Variants in ZBTB34 observed in about 807,000 individuals in gnomAD.
ZBTB34 encodes zinc finger and BTB domain containing 34, also known as zinc finger and BTB domain-containing protein 34.
ZBTB34 carries 1 observed loss-of-function variant against 33.4 expected under a neutral mutation model. The observed-to-expected ratio is 0.03, with a 90% confidence interval of 0.01 to 0.14. The LOEUF (loss-of-function observed/expected upper bound fraction) is 0.14. Among genes scored for constraint, ZBTB34 ranks in the 10% least tolerant of loss-of-function variants. ZBTB34 has a pLI of 1.00. For synonymous variants in ZBTB34, 283 were observed against 253.5 expected, an observed-to-expected ratio of 1.12 and a Z score of -1.11; for missense variants, 406 against 657.2, an observed-to-expected ratio of 0.62 and a Z score of 4.18.
chr9:126,877,181 G>T (rs536189713), intron 1 of ZBTB34, among the ~76,000 whole-genome samples: 13 of 152,092 alleles, frequency 8.5e-5, no homozygotes, highest in Admixed American at 7.2e-4. Context: ...TGTTGTTGTT[G>T]TTTTTCGAAA....
At chr9:126,876,152 T>TTCCC (rs2033353812) in intron 1 of ZBTB34, among the ~76,000 whole-genome samples, 1 of 58,454 alleles carries the variant, frequency 1.7e-5, no homozygotes, top group East Asian at 5.6e-4. Flanking sequence ...TTTTTTTTTT[T>TTCCC]CCCTTCCGTC....
intron 1 of ZBTB34, among the ~76,000 whole-genome samples, chr9:126,867,168 T>C (rs1192203876): frequency 6.7e-6 from 1 of 149,924 alleles, no homozygotes; most frequent in Non-Finnish European, 1.5e-5. Context: ...AAATTCTTAG[T>C]GGTTGTTCTC....
At chr9:126,884,126 G>C (rs1486511825) in exon 2 of ZBTB34, 3 of 166,986 alleles carry the variant, frequency 1.8e-5, no homozygotes, top group Non-Finnish European at 4.4e-5. Context: ...AATATATCCT[G>C]AATTCATATA....
chr9:126,872,113 A>AT (rs898869095), intron 1 of ZBTB34, among the ~76,000 whole-genome samples: 22 of 151,122 alleles, frequency 1.5e-4, no homozygotes, highest in African/African-American at 4.9e-4. Context: ...TGCCCGCCTA[A>AT]TTTTTTTTTG....
chr9:126,879,339 G>A lies in ZBTB34; in HGVS notation c.-10-51G>A. 6.8e-7 allele frequency: 1 copy of A among 1,465,620 alleles called. No homozygotes were observed. The highest frequency in any genetic ancestry group is 9.3e-7 in the Non-Finnish European group (1 of 1,075,594). The allele number at this position is 1,465,620 out of a possible 1,614,324, so 90.8% of individuals were successfully genotyped here. On this transcript the variant is annotated intron_variant, in intron 1 of 1. Transcript: ENST00000319119. This position sits in a 1 kb window ranked among gnomAD's most constrained non-coding sequence, Gnocchi z 6.4. ...TTGTAAGCTTGTGTTTATGCCACTTGTACTTAGTGAGGAGTCATTGGTGAA... is the reference window on the plus strand; with the variant it reads ...TTGTAAGCTTGTGTTTATGCCACTTATACTTAGTGAGGAGTCATTGGTGAA...
intron 1 of ZBTB34, chr9:126,863,738 T>C (rs907870233): frequency 8.1e-6 from 8 of 985,134 alleles, no homozygotes; most frequent in Non-Finnish European, 8.4e-6. Flanking sequence ...CCTTTTGTCA[T>C]AAGAGGCAGG....
At chr9:126,878,721 G>GT (rs1564225411) in intron 1 of ZBTB34, among the ~76,000 whole-genome samples, 2 of 146,964 alleles carry the variant, frequency 1.4e-5, no homozygotes, top group South Asian at 2.2e-4. Flanking sequence ...TTTTGTTTTT[G>GT]TTTTGTTTTT....
chr9:126,875,983 A>G (rs1328088194), intron 1 of ZBTB34, among the ~76,000 whole-genome samples: 1 of 151,772 alleles, frequency 6.6e-6, no homozygotes, highest in South Asian at 2.1e-4. Context: ...TGAGTTTGCA[A>G]ACTGCTGAGT....
chr9:126,872,139 C>T (rs913887554), intron 1 of ZBTB34, among the ~76,000 whole-genome samples: 27 of 150,728 alleles, frequency 1.8e-4, no homozygotes, highest in South Asian at 6.6e-4. Context: ...TCAGTAGAGA[C>T]GGGGTTTTGC....
chr9:126,865,062 A>G (rs568427388), intron 1 of ZBTB34, among the ~76,000 whole-genome samples: 2 of 152,284 alleles, frequency 1.3e-5, no homozygotes, highest in South Asian at 2.1e-4. Context: ...ACAACTTCCA[A>G]ATTTGTAACT....
exon 2 of ZBTB34, chr9:126,884,556 G>A (rs1387776940): frequency 1.2e-5 from 2 of 166,812 alleles, no homozygotes; most frequent in African/African-American, 4.8e-5. Flanking sequence ...GAACGAAAAT[G>A]ATAATTTTTA....
At chr9:126,881,595 A>G (rs1199075989) in exon 2 of ZBTB34, 1 of 167,060 alleles carries the variant, frequency 6.0e-6, no homozygotes, top group Non-Finnish European at 1.5e-5. Flanking sequence ...AAGCAAGCAA[A>G]GCAAATCACA....
At chr9:126,881,092 C>T (rs1348787457) in exon 2 of ZBTB34, 20 of 696,580 alleles carry the variant, frequency 2.9e-5, no homozygotes, top group South Asian at 4.1e-5. Flanking sequence ...CCTCCCTCCC[C>T]GAAGGAGCTC....
chr9:126,880,550 C>T lies in ZBTB34; in HGVS notation c.1151C>T (p.Ser384Phe). 1.2e-6 allele frequency: 2 copies of T among 1,613,856 alleles called. No individual in the cohort carries two copies. Among genetic ancestry groups the T allele is most frequent in the Non-Finnish European group, 1.7e-6 (2 of 1,179,904 alleles). The change falls in exon 2 of 2, where the codon TCC becomes TTC. Residue 384 changes from serine (S) to phenylalanine (F), a missense_variant. By Grantham distance (155) the Ser-to-Phe change is radical. Around this residue, in one of 6 missense-constraint regions of ZBTB34, gnomAD observed 36 missense variants for 109.4 expected, o/e 0.33. Coordinates refer to ENST00000319119, the Ensembl canonical transcript of ZBTB34. This position sits in a 1 kb window ranked among gnomAD's most constrained non-coding sequence, Gnocchi z 6.7. ...TTGATCTGTATTTACTGTGGAAAGT[C>T]CTTCAACCAGAAAGGAAGCCTTGAT...
intron 1 of ZBTB34, among the ~76,000 whole-genome samples, chr9:126,868,024 G>A (rs771784552): frequency 2.6e-5 from 4 of 152,198 alleles, no homozygotes; most frequent in African/African-American, 4.8e-5. Flanking sequence ...GTGGGGAGCT[G>A]AATGGAAGAG....
chr9:126,860,877 G>A (rs1251891169), intron 1 of ZBTB34, 138 bp downstream of exon 1: 1 of 148,730 alleles, frequency 6.7e-6, no homozygotes, highest in African/African-American at 2.4e-5. Context: ...TCCGCGCCTG[G>A]TCAGTCCCGC....
intron 1 of ZBTB34, among the ~76,000 whole-genome samples, chr9:126,872,396 AGAGT>A (rs1271192172): frequency 6.6e-6 from 1 of 152,242 alleles, no homozygotes; most frequent in Non-Finnish European, 1.5e-5. Context: ...CCTGGGTGAC[AGAGT>A]GAGATCCTGT....
Position 126,865,507 on chromosome 9 carries a change from A to G in ZBTB34, c.-11+4768A>G, listed in dbSNP as rs62578890. Among the ~76,000 whole-genome samples, 582 of 152,324 alleles carry G rather than the reference A, an allele frequency of 3.8e-3. 1 individual carries two copies. The highest frequency in any genetic ancestry group is 6.4e-3 in the Non-Finnish European group (434 of 68,024). On this transcript the variant is annotated intron_variant, in intron 1 of 1. Transcript: ENST00000319119. ...AGACAGTTCCAAGGCTTTATCCAAG[A>G]AAGTTGTAGAGGAGATTTTAAGGCC...
chr9:126,875,615 T>G (rs1326969848), intron 1 of ZBTB34, among the ~76,000 whole-genome samples: 3 of 152,190 alleles, frequency 2.0e-5, no homozygotes, highest in African/African-American at 7.2e-5. Context: ...TGGTTGCACC[T>G]TATTGTCATT....
Sources: allele counts gnomAD v4.1 joint callset (sites outside exome capture counted in the v4.1 genomes callset), GRCh38; gene constraint gnomAD v4.1.1; regional missense constraint gnomAD v4.1.1; non-coding constraint Gnocchi (gnomAD v3.1); transcripts MANE v1.5; gene names NCBI Gene and HGNC (gene_info 2026-07-23, HGNC 2026-07-21).